Variants in NUP35 observed in about 807,000 individuals in gnomAD.
The protein encoded by NUP35 is nucleoporin NUP35.
A neutral mutation model predicts 41.5 loss-of-function variants in NUP35; 25 were observed. The observed-to-expected ratio is 0.60, with a 90% CI of 0.44 to 0.84. The LOEUF is 0.84. NUP35 is among the 40% of genes least tolerant of loss of function. The pLI is 0.00. For synonymous variants in NUP35, 149 were observed against 130.7 expected (o/e 1.14, Z -0.96); for missense variants, 396 against 396.6 (o/e 1.00, Z 0.01).
At chr2:183,140,899 C>CCTTATTATGAACTA in intron 4 of NUP35, among the ~76,000 whole-genome samples, 1 of 151,008 alleles carries the variant, frequency 6.6e-6, no homozygotes, top group Non-Finnish European at 1.5e-5. Flanking sequence ...TTATTATGAA[C>CCTTATTATGAACTA]TAGCCAGTCC....
chr2:183,131,720 A>G (rs1684701429), intron 3 of NUP35, among the ~76,000 whole-genome samples: 1 of 152,222 alleles, frequency 6.6e-6, no homozygotes, highest in South Asian at 2.1e-4. Context: ...AATGTAAGGT[A>G]TCTTATTTTT....
intron 8 of NUP35, 99 bp downstream of exon 8, chr2:183,159,751 T>C (rs953723560): frequency 2.1e-6 from 2 of 937,034 alleles, no homozygotes; most frequent in Non-Finnish European, 3.2e-6. Context: ...ATTAAATGTT[T>C]CCTGTGGAGG....
intron 4 of NUP35, among the ~76,000 whole-genome samples, chr2:183,138,560 A>T (rs1575121882): frequency 6.6e-6 from 1 of 152,108 alleles, no homozygotes; most frequent in African/African-American, 2.4e-5. Flanking sequence ...ATTAAAGAAT[A>T]TAAGAAACTC....
At chr2:183,138,773 C>T (rs1684982545) in intron 4 of NUP35, among the ~76,000 whole-genome samples, 1 of 127,948 alleles carries the variant, frequency 7.8e-6, no homozygotes, top group Admixed American at 7.3e-5. Context: ...GTAGGTCACT[C>T]GTTAATTAAC....
chr2:183,146,284 A>G (rs1440725669), intron 4 of NUP35, among the ~76,000 whole-genome samples: 1 of 152,344 alleles, frequency 6.6e-6, no homozygotes, highest in East Asian at 1.9e-4. Flanking sequence ...TTGCTAAACA[A>G]TTTGAGTTCC....
At chr2:183,119,870 G>C (rs1404681268), upstream of NUP35, 1 of 152,142 alleles carries the variant, frequency 6.6e-6, no homozygotes, top group Non-Finnish European at 1.5e-5. Flanking sequence ...TTGAAGCCAA[G>C]GATCTCAGTT....
At chr2:183,128,073 G>GA (rs11366544) in intron 1 of NUP35, among the ~76,000 whole-genome samples, 12,027 of 137,038 alleles carry the variant, frequency 0.088, 576 homozygotes, top group South Asian at 0.18. Flanking sequence ...CTCGGACTCA[G>GA]AAAAAAAAAA....
At position 183,158,356 on chromosome 2, in the gene NUP35, A is replaced by G. The variant is rs1481733664; in HGVS notation, c.683A>G (p.Asp228Gly). The change falls in exon 7 of 9, where the codon GAT becomes GGT. Residue 228 changes from aspartate to glycine, a missense_variant. Physicochemically the swap from Asp to Gly is moderately conservative, Grantham distance 94 (BLOSUM62 -1). Coordinates refer to ENST00000295119, the MANE Select transcript of NUP35 (RefSeq NM_138285.5). The stretch of plus-strand genomic sequence containing the variant: ...CAGGCTCGGAAAGCCTTAAGCAAAG[A>G]TGGGAGGATTTTTGGAGAATCCATC... ...KLQARKALSK[D>G]GRIFGESIMI... 3 of 1,609,618 alleles carry G rather than the reference A, an allele frequency of 1.9e-6. No homozygotes were observed. Among genetic ancestry groups the G allele is most frequent in the Non-Finnish European group, 2.5e-6 (3 of 1,177,064 alleles).
intron 5 of NUP35, among the ~76,000 whole-genome samples, chr2:183,155,069 C>T (rs2105612045): frequency 6.6e-6 from 1 of 152,302 alleles, no homozygotes; most frequent in South Asian, 2.1e-4. Flanking sequence ...TCAATTACCT[C>T]TCTCAGGTCC....
intron 4 of NUP35, among the ~76,000 whole-genome samples, chr2:183,135,514 CA>C (rs1305486270): frequency 6.6e-6 from 1 of 152,028 alleles, no homozygotes; most frequent in East Asian, 1.9e-4. Context: ...AGGTGGAAGA[CA>C]ATAAGGATGA....
At chr2:183,158,722 T>A (rs1685763550) in intron 7 of NUP35, among the ~76,000 whole-genome samples, 1 of 152,114 alleles carries the variant, frequency 6.6e-6, no homozygotes, top group Non-Finnish European at 1.5e-5. Context: ...TCCATTCTCT[T>A]TCTTGTGCAA....
chr2:183,149,237 CTTAAAAA>C (rs1482832139), intron 4 of NUP35, among the ~76,000 whole-genome samples: 1 of 152,140 alleles, frequency 6.6e-6, no homozygotes, highest in Non-Finnish European at 1.5e-5. Context: ...TGTTTATACT[CTTAAAAA>C]TTAAAGAGCT....
intron 1 of NUP35, 119 bp downstream of exon 1, chr2:183,124,616 A>C (rs1700122814): frequency 7.6e-7 from 1 of 1,315,002 alleles, no homozygotes. Context: ...GCGGAGAGGG[A>C]ATCCTTGGGT....
chr2:183,122,659 A>G (rs1700086196), upstream of NUP35, among the ~76,000 whole-genome samples: 1 of 152,054 alleles, frequency 6.6e-6, no homozygotes, highest in East Asian at 1.9e-4. Flanking sequence ...TTTGTAGAGA[A>G]GTGGGGTCTC....
chr2:183,150,649 G>A (rs1685439196), intron 4 of NUP35, among the ~76,000 whole-genome samples: 1 of 151,870 alleles, frequency 6.6e-6, no homozygotes, highest in South Asian at 2.1e-4. Context: ...AGCACATTAA[G>A]TATTTACTTA....
At chr2:183,123,719 T>G (rs1429883826), upstream of NUP35, 1 of 851,172 alleles carries the variant, frequency 1.2e-6, no homozygotes, top group Non-Finnish European at 1.4e-6. Flanking sequence ...GTGTATGTGA[T>G]TTACGTATGA....
At chr2:183,138,181 C>A (rs1227802548) in intron 4 of NUP35, among the ~76,000 whole-genome samples, 1 of 143,856 alleles carries the variant, frequency 7.0e-6, no homozygotes, top group Non-Finnish European at 1.5e-5. Flanking sequence ...CAATGATAGG[C>A]AAGAAATAGA....
intron 4 of NUP35, among the ~76,000 whole-genome samples, chr2:183,147,240 A>G (rs1322322241): frequency 1.3e-5 from 2 of 151,928 alleles, no homozygotes; most frequent in Non-Finnish European, 2.9e-5. Context: ...TTTTTGTTGT[A>G]TTTGCTTTTG....
intron 4 of NUP35, among the ~76,000 whole-genome samples, chr2:183,137,399 G>C (rs80134319): frequency 0.045 from 6,896 of 152,176 alleles, 244 homozygotes; most frequent in South Asian, 0.15. Flanking sequence ...GGGCAACATA[G>C]TGAGATGCCT....
Sources: allele counts gnomAD v4.1 joint callset (sites outside exome capture counted in the v4.1 genomes callset), GRCh38; gene constraint gnomAD v4.1.1; transcripts MANE v1.5; gene names NCBI Gene and HGNC (gene_info 2026-07-23, HGNC 2026-07-21).